The following PCYOX1 variants were observed in gnomAD, a reference collection of about 807,000 sequenced individuals.
The protein encoded by PCYOX1 is prenylcysteine oxidase 1, also known as prenylcysteine lyase.
A neutral mutation model predicts 46.4 loss-of-function variants in PCYOX1; 46 were observed. The ratio of observed to expected loss-of-function variants is 0.99; its 90% CI spans 0.78 to 1.27. The LOEUF (loss-of-function observed/expected upper bound fraction) is 1.27. Among genes scored for constraint, PCYOX1 ranks in the 50% most tolerant of loss-of-function variants. The probability of loss-of-function intolerance (pLI) is 0.00; values close to 1 mark genes in which losing one functional copy is unlikely to be tolerated. For synonymous variants in PCYOX1, 220 were observed against 231.8 expected, an observed-to-expected ratio of 0.95 and a Z score of 0.46; for missense variants, 658 against 628.3, an observed-to-expected ratio of 1.05 and a Z score of -0.51.
chr2:70,280,807 C>G lies in PCYOX1; in HGVS notation c.*3415C>G, dbSNP rs1376829933. 6.6e-6 allele frequency: 1 copy of G among 152,064 alleles called. No homozygotes were observed. The highest frequency in any genetic ancestry group is 1.5e-5 in the Non-Finnish European group (1 of 68,022). 9.4% of individuals were successfully genotyped at this position (152,064 alleles called of 1,614,324 possible). A position where few individuals can be genotyped will look rare whatever the true frequency, so the allele number is the denominator to read the frequency against. On this transcript the variant is annotated 3_prime_UTR_variant, in exon 6 of 6. Coordinates refer to ENST00000433351, the MANE Select transcript of PCYOX1 (RefSeq NM_016297.4). ...AGTGAGAGAGGTATATATCTATGAG[C>G]CATTGTGTTTGGTGTTTTACAAGAA...
intron 1 of PCYOX1, among the ~76,000 whole-genome samples, chr2:70,258,901 T>C (rs1696387796): frequency 1.3e-5 from 2 of 152,230 alleles, no homozygotes; most frequent in African/African-American, 4.8e-5. Context: ...GGCTCTTTGC[T>C]TCCTGTCTCC....
intron 2 of PCYOX1, among the ~76,000 whole-genome samples, chr2:70,260,095 G>C (rs960315022): frequency 1.3e-5 from 2 of 152,194 alleles, no homozygotes; most frequent in Non-Finnish European, 2.9e-5. Context: ...GATTACAGGG[G>C]TGAGCCACCG....
At chr2:70,271,791 G>A (rs34015333) in intron 3 of PCYOX1, among the ~76,000 whole-genome samples, 68,413 of 151,872 alleles carry the variant, frequency 0.45, 18,351 homozygotes, top group Middle Eastern at 0.64. Context: ...AAATAGGTAC[G>A]TATCAACCAC....
intron 1 of PCYOX1, 132 bp downstream of exon 1, chr2:70,258,408 C>T (rs1696379993): frequency 5.3e-6 from 3 of 569,510 alleles, no homozygotes; most frequent in Non-Finnish European, 8.9e-6. Flanking sequence ...GCGCAGGTCG[C>T]GCTTTCCCCC....
chr2:70,266,207 A>G (rs1696519659), intron 3 of PCYOX1, among the ~76,000 whole-genome samples: 1 of 152,124 alleles, frequency 6.6e-6, no homozygotes. Context: ...TGGGCCCAAT[A>G]TAATCACAAG....
chr2:70,265,331 T>C lies in PCYOX1; in HGVS notation c.494+3945T>C, dbSNP rs543957846. On this transcript the variant is annotated intron_variant, in intron 3 of 5. Transcript: ENST00000433351. ...CATCTTCCAGCCTCAGCTGGGACTA[T>C]AGGCATGTGCCATCATGCTTGGCTA... Among the ~76,000 whole-genome samples the C allele has an allele frequency of 3.3e-5, 5 of 151,768 alleles. No homozygotes were observed. The South Asian group carries it at 8.3e-4, about 25-fold the overall frequency.
At chr2:70,259,223 G>T (rs182870711) in intron 1 of PCYOX1, 137 bp from the exon 2 acceptor site, 2 of 725,888 alleles carry the variant, frequency 2.8e-6, no homozygotes, top group Non-Finnish European at 4.8e-6. Context: ...TTCGCTGCAG[G>T]TGTCACTCTT....
rs865890023 is a variant in PCYOX1 at position 70,276,971 on chromosome 2, G to A, written c.1097G>A (p.Gly366Asp). The A allele has an allele frequency of 1.2e-6, 2 of 1,613,556 alleles. No homozygotes were observed. The highest frequency in any genetic ancestry group is 1.3e-5 in the African/African-American group (1 of 74,982). ...IFSSRPIDKF[G>D]LNTVLTTDNS... ...AGCTCTAGACCCATAGATAAATTTG[G>A]CCTTAATACAGTTTTAACCACTGAT... The change falls in exon 6 of 6, where the codon GGC (glycine) becomes GAC (aspartate). Residue 366 changes from glycine to aspartate, a missense_variant. Coordinates refer to ENST00000433351, the MANE Select transcript of PCYOX1 (RefSeq NM_016297.4).
At position 70,276,796 on chromosome 2, in the gene PCYOX1, T is replaced by C. The variant is rs1299658483; in HGVS notation, c.922T>C (p.Tyr308His). ...QIGTETRSDFYDIVLVATPLN... is the reference protein window; with the variant it reads ...QIGTETRSDFHDIVLVATPLN... ...TGGAACTGAGACTCGTTCAGACTTC[T>C]ATGACATCGTCTTGGTGGCCACTCC... The change falls in exon 6 of 6, where the codon TAT becomes CAT. Residue 308 changes from tyrosine (Y) to histidine (H), a missense_variant. Coordinates refer to ENST00000433351, the MANE Select transcript of PCYOX1 (RefSeq NM_016297.4). The C allele has an allele frequency of 6.2e-7, 1 of 1,612,806 alleles. No individual in the cohort carries two copies. The highest frequency in any genetic ancestry group is 1.3e-5 in the African/African-American group (1 of 75,030).
Position 70,274,943 on chromosome 2 carries a change from C to T in PCYOX1, c.495-16C>T, listed in dbSNP as rs764381573. 5 of 1,492,326 alleles carry T rather than the reference C, an allele frequency of 3.4e-6. No homozygotes were observed. Among genetic ancestry groups the T allele is most frequent in the African/African-American group, 1.4e-5 (1 of 72,626 alleles). The allele number at this position is 1,492,326 out of a possible 1,614,324, so 92.4% of individuals were successfully genotyped here. A position where few individuals can be genotyped will look rare whatever the true frequency, so the allele number is the denominator to read the frequency against. On this transcript the variant is annotated splice_polypyrimidine_tract_variant and intron_variant, in intron 3 of 5. Transcript: ENST00000433351. ...ATCTTGTTTGGTATTTAATGGATTT[C>T]TCTTCTTTTCCAAAGGATCTACCGC... is the stretch of plus-strand genomic sequence containing the variant.
intron 1 of PCYOX1, 130 bp downstream of exon 1, chr2:70,258,406 C>T: frequency 1.7e-6 from 1 of 576,376 alleles, no homozygotes; most frequent in African/African-American, 2.0e-5. Context: ...CTGCGCAGGT[C>T]GCGCTTTCCC....
chr2:70,266,108 C>A (rs1696518008), intron 3 of PCYOX1, among the ~76,000 whole-genome samples: 1 of 152,102 alleles, frequency 6.6e-6, no homozygotes, highest in South Asian at 2.1e-4. Flanking sequence ...TGTCTTAATT[C>A]CTGGAACCTG....
chr2:70,277,257 G>A lies in PCYOX1; in HGVS notation c.1383G>A (p.Glu461=), dbSNP rs1407374579. 5 of 1,614,134 alleles carry A rather than the reference G, an allele frequency of 3.1e-6. No individual in the cohort carries two copies. Among genetic ancestry groups the A allele is most frequent in the Admixed American group, 1.7e-5 (1 of 60,020 alleles). ...GACTTTATTACCTCAATGGCATAGA[G>A]TGTGCAGCAAGTGCCATGGAGATGA... ...HDRLYYLNGI[E]CAASAMEMSA... Residue 461 remains glutamate, a synonymous_variant, in exon 6 of 6, where the codon GAG becomes GAA. Coordinates refer to ENST00000433351, the MANE Select transcript of PCYOX1 (RefSeq NM_016297.4).
intron 3 of PCYOX1, among the ~76,000 whole-genome samples, chr2:70,266,505 C>T (rs1034166267): frequency 6.7e-6 from 1 of 149,704 alleles, no homozygotes; most frequent in Non-Finnish European, 1.5e-5. Context: ...CTTGGGTGTT[C>T]TTCGGAGAGG....
At chr2:70,266,413 G>A (rs1039836431) in intron 3 of PCYOX1, among the ~76,000 whole-genome samples, 8 of 152,046 alleles carry the variant, frequency 5.3e-5, no homozygotes, top group Non-Finnish European at 1.0e-4. Context: ...ATTTTAGCCC[G>A]GAGAGACTGA....
At chr2:70,269,350 T>G (rs1182109557) in intron 3 of PCYOX1, among the ~76,000 whole-genome samples, 2 of 151,084 alleles carry the variant, frequency 1.3e-5, no homozygotes. Flanking sequence ...TTTTTTTTTT[T>G]TTTGAGACAG....
intron 1 of PCYOX1, among the ~76,000 whole-genome samples, chr2:70,258,819 C>T (rs1696386702): frequency 6.6e-6 from 1 of 152,248 alleles, no homozygotes; most frequent in South Asian, 2.1e-4. Context: ...AGTTTCTCCG[C>T]CTAGGACTAA....
In PCYOX1 at chr2:70,280,540, A is replaced by G. The variant is rs1439388009; in HGVS notation, c.*3148A>G. 2 of 152,224 alleles carry G rather than the reference A, an allele frequency of 1.3e-5. No individual in the cohort carries two copies. Among genetic ancestry groups the G allele is most frequent in the Non-Finnish European group, 2.9e-5 (2 of 68,036 alleles). 9.4% of individuals were successfully genotyped at this position (152,224 alleles called of 1,614,324 possible). On this transcript the variant is annotated 3_prime_UTR_variant, in exon 6 of 6. Transcript: ENST00000433351. ...TTTGTTATGGGATATAAGAAGATGC[A>G]TTTTATTAAGTTCCCCAGTGATGCT...
intron 5 of PCYOX1, 110 bp downstream of exon 5, chr2:70,275,776 G>GA: frequency 9.5e-7 from 1 of 1,048,956 alleles, no homozygotes; most frequent in Non-Finnish European, 1.4e-6. Context: ...GATGAAACTT[G>GA]AAATTGTATA....
Sources: allele counts gnomAD v4.1 joint callset (sites outside exome capture counted in the v4.1 genomes callset), GRCh38; gene constraint gnomAD v4.1.1; transcripts MANE v1.5; gene names NCBI Gene and HGNC (gene_info 2026-07-23, HGNC 2026-07-21).